HECW2: variants seen among roughly 807,000 people sequenced by gnomAD.
HECW2 encodes the protein HECT, C2 and WW domain containing E3 ubiquitin protein ligase 2.
In HECW2, 61 loss-of-function variants were observed where a neutral mutation model predicts 175.2. The ratio of observed to expected loss-of-function variants is 0.35; its 90% CI spans 0.28 to 0.43. The LOEUF (loss-of-function observed/expected upper bound fraction) is 0.43, where lower values mean the gene tolerates loss of function less well. HECW2 is among the 20% of genes least tolerant of loss of function. HECW2 has a pLI of 1.00. For missense variants in HECW2, 1,524 were observed against 2,000.5 expected (o/e 0.76, Z 4.54); for synonymous variants, 671 against 731.0 (o/e 0.92, Z 1.32).
chr2:196,319,820 A>G lies in HECW2; in HGVS notation c.1070T>C (p.Met357Thr). The change falls in exon 9 of 29, where the codon ATG becomes ACG. Residue 357 changes from methionine to threonine, a missense_variant. Physicochemically the swap from Met to Thr is moderately conservative, Grantham distance 81. Coordinates refer to ENST00000644978, the MANE Select transcript of HECW2 (RefSeq NM_001348768.2). ...DLGSPSDDED[M>T]PGSHHDSQVC... ...CTGGCTGTCGTGATGGCTCCCTGGC[A>G]TGTCCTCGTCATCGGAAGGGCTACC... is the stretch of plus-strand genomic sequence containing the variant. The G allele has an allele frequency of 3.7e-6, 6 of 1,614,234 alleles. No homozygotes were observed. Among genetic ancestry groups the G allele is most frequent in the Non-Finnish European group, 5.1e-6 (6 of 1,180,032 alleles).
At chr2:196,557,890 A>C (rs1689863149) in intron 1 of HECW2, among the ~76,000 whole-genome samples, 1 of 152,130 alleles carries the variant, frequency 6.6e-6, no homozygotes, top group Middle Eastern at 3.2e-3. Context: ...TTCTACAATG[A>C]AAATTTCTGT....
chr2:196,541,397 A>C (rs896099636), intron 1 of HECW2, among the ~76,000 whole-genome samples: 13 of 152,306 alleles, frequency 8.5e-5, no homozygotes, highest in Admixed American at 2.6e-4. Context: ...AAGGTTTAGT[A>C]AAAGGCGGGT....
chr2:196,309,458 T>C (rs1691398748), intron 10 of HECW2, among the ~76,000 whole-genome samples: 1 of 152,178 alleles, frequency 6.6e-6, no homozygotes, highest in Non-Finnish European at 1.5e-5. Context: ...CAATAAGACA[T>C]TTTCAAAAGA....
At chr2:196,560,801 A>G (rs950447483) in intron 1 of HECW2, among the ~76,000 whole-genome samples, 6 of 152,224 alleles carry the variant, frequency 3.9e-5, no homozygotes, top group Admixed American at 1.3e-4. Flanking sequence ...TGAAGATTTC[A>G]TGGACATTTA....
In HECW2 at chr2:196,319,530, CA is replaced by C. The variant is rs1350915641; in HGVS notation, c.1359del (p.Asp454ThrfsTer35). ...ASPKLRSSFPTDTRLNAMLHI... is the reference protein window; with the variant it reads ...ASPKLRSSFPXDTRLNAMLHI... ...TGAAGCATGGCATTGAGTCTTGTGT[CA>C]GTGGGAAAACTACTCCTCAGTTTCG... On this transcript the variant is annotated frameshift_variant, in exon 9 of 29. Transcript: ENST00000644978. LOFTEE classifies it high-confidence loss of function. 6.2e-7 allele frequency: 1 copy of C among 1,614,158 alleles called. No individual in the cohort carries two copies. The highest frequency in any genetic ancestry group is 8.5e-7 in the Non-Finnish European group (1 of 1,180,032).
rs750339715 is a variant in HECW2, at chr2:196,319,281, C to G, written c.1609G>C (p.Ala537Pro). The change falls in exon 9 of 29, where the codon GCA (alanine) becomes CCA (proline). Residue 537 changes from alanine (A) to proline (P), a missense_variant. By Grantham distance (27) the Ala-to-Pro change is conservative (BLOSUM62 -1). This residue lies in a region of HECW2 where 604 missense variants were observed against 588.3 expected (regional missense o/e 1.03). Transcript: ENST00000644978. Reference sequence around the variant, plus strand: ...GGGCCTGCAGGTAAGGAGCTCTCTGCAAGCTCTGGAAGATTTTCTGGCTTA... The same window carrying G: ...GGGCCTGCAGGTAAGGAGCTCTCTGGAAGCTCTGGAAGATTTTCTGGCTTA... ...EDKPENLPEL[A>P]ESSLPAGPAP... 4 of 1,609,802 alleles carry G rather than the reference C, an allele frequency of 2.5e-6. No individual in the cohort carries two copies. Among genetic ancestry groups the G allele is most frequent in the Non-Finnish European group, 3.4e-6 (4 of 1,178,244 alleles).
chr2:196,414,722 G>T (rs1197889941), intron 2 of HECW2, among the ~76,000 whole-genome samples: 1 of 152,160 alleles, frequency 6.6e-6, no homozygotes, highest in South Asian at 2.1e-4. Context: ...TCCAGCAGGA[G>T]TAACAGTGCC....
intron 13 of HECW2, among the ~76,000 whole-genome samples, chr2:196,303,020 T>C (rs1197973401): frequency 6.6e-6 from 1 of 152,240 alleles, no homozygotes; most frequent in Non-Finnish European, 1.5e-5. Context: ...TTCCAGCTTT[T>C]GCCCATTCAG....
chr2:196,200,963 A>C lies in HECW2; in HGVS notation c.*314T>G. Reference sequence around the variant, plus strand: ...GTTTCAAGATTCTCCTGAGTCCCTAAAAATTACCGTGGAGCTGATCATGTA... The same window carrying C: ...GTTTCAAGATTCTCCTGAGTCCCTACAAATTACCGTGGAGCTGATCATGTA... On this transcript the variant is annotated 3_prime_UTR_variant, in exon 29 of 29. Coordinates refer to ENST00000644978, the MANE Select transcript of HECW2 (RefSeq NM_001348768.2). 5.1e-6 allele frequency: 1 copy of C among 197,898 alleles called. No homozygotes were observed. The highest frequency in any genetic ancestry group is 1.1e-4 in the East Asian group (1 of 9,120). 12.3% of individuals were successfully genotyped at this position (197,898 alleles called of 1,614,324 possible). A position where few individuals can be genotyped will look rare whatever the true frequency, so the allele number is the denominator to read the frequency against.
chr2:196,302,197 T>C (rs558001152), intron 13 of HECW2, among the ~76,000 whole-genome samples: 2 of 152,328 alleles, frequency 1.3e-5, no homozygotes, highest in African/African-American at 4.8e-5. Flanking sequence ...CAAATGGTTG[T>C]AGGTGTGCAG....
At position 196,419,483 on chromosome 2, in the gene HECW2, T is replaced by C. The variant is rs556505141; in HGVS notation, c.292+13649A>G. Among the ~76,000 whole-genome samples, 3 of 152,364 alleles carry C rather than the reference T, an allele frequency of 2.0e-5. No individual in the cohort carries two copies. The South Asian group carries it at 6.2e-4, about 32-fold the overall frequency. ...CACATGAAGTCCAAATATCATCTTCTTGGTAAAGCCTTTCTATACCCTTCC... is the reference window on the plus strand; with the variant it reads ...CACATGAAGTCCAAATATCATCTTCCTGGTAAAGCCTTTCTATACCCTTCC... On this transcript the variant is annotated intron_variant, in intron 2 of 28. Transcript: ENST00000644978.
intron 28 of HECW2, among the ~76,000 whole-genome samples, chr2:196,214,533 CATT>C (rs1687401435): frequency 6.6e-6 from 1 of 152,272 alleles, no homozygotes; most frequent in East Asian, 1.9e-4. Context: ...GGAGAAAACT[CATT>C]ATCCAAGCAT....
At chr2:196,489,702 A>C (rs1362901543) in intron 1 of HECW2, among the ~76,000 whole-genome samples, 1 of 152,218 alleles carries the variant, frequency 6.6e-6, no homozygotes, top group African/African-American at 2.4e-5. Context: ...TAGGTCTTTT[A>C]CTAAGGAAAT....
intron 14 of HECW2, among the ~76,000 whole-genome samples, chr2:196,281,024 A>T (rs539996977): frequency 9.9e-5 from 15 of 152,276 alleles, no homozygotes; most frequent in African/African-American, 3.6e-4. Context: ...TTTTGAAGGG[A>T]TGGGTGGTCA....
At chr2:196,570,435 C>T (rs1222072426) in intron 1 of HECW2, among the ~76,000 whole-genome samples, 1 of 152,116 alleles carries the variant, frequency 6.6e-6, no homozygotes, top group African/African-American at 2.4e-5. Flanking sequence ...AAATTATTTG[C>T]TCAACTATCA....
At chr2:196,548,441 AAGAT>A (rs938651895) in intron 1 of HECW2, among the ~76,000 whole-genome samples, 3 of 152,210 alleles carry the variant, frequency 2.0e-5, no homozygotes, top group Admixed American at 1.3e-4. Context: ...AAGGCTCTGA[AAGAT>A]AGATAACTAT....
chr2:196,591,718 T>G (rs10439322), intron 1 of HECW2, among the ~76,000 whole-genome samples: 2 of 152,070 alleles, frequency 1.3e-5, no homozygotes, highest in Non-Finnish European at 2.9e-5. Flanking sequence ...TTCTCTAGTC[T>G]GCTAGGGATG....
chr2:196,583,059 G>A (rs1052694219), intron 1 of HECW2, among the ~76,000 whole-genome samples: 11 of 152,176 alleles, frequency 7.2e-5, no homozygotes, highest in African/African-American at 2.7e-4. Context: ...CATGTTCAGG[G>A]AGTTAGAAGT....
At chr2:196,468,295 G>C (rs1168572124) in intron 1 of HECW2, among the ~76,000 whole-genome samples, 1 of 152,150 alleles carries the variant, frequency 6.6e-6, no homozygotes, top group African/African-American at 2.4e-5. Context: ...GTGCCCAGCT[G>C]GTTGTTCTTT....
Sources: allele counts gnomAD v4.1 joint callset (sites outside exome capture counted in the v4.1 genomes callset), GRCh38; gene constraint gnomAD v4.1.1; regional missense constraint gnomAD v4.1.1; transcripts MANE v1.5; gene names NCBI Gene and HGNC (gene_info 2026-07-23, HGNC 2026-07-21).